Variants in SIRT2 observed in about 807,000 individuals in gnomAD.
SIRT2 encodes sirtuin 2.
In SIRT2, 40 loss-of-function variants were observed where a neutral mutation model predicts 57.4. The observed-to-expected ratio is 0.70, with a 90% CI of 0.54 to 0.91. SIRT2 has a LOEUF of 0.91. SIRT2 is among the 40% of genes least tolerant of loss of function. The probability of loss-of-function intolerance (pLI) is 0.00; values close to 1 mark genes in which losing one functional copy is unlikely to be tolerated. For missense variants in SIRT2, 439 were observed against 510.4 expected (o/e 0.86, Z 1.35); for synonymous variants, 161 against 195.7 (o/e 0.82, Z 1.48).
Position 38,893,543 on chromosome 19 carries a change from A to G in SIRT2, c.113-16T>C, listed in dbSNP as rs1483674996. 1 of 1,569,480 alleles carries G rather than the reference A, an allele frequency of 6.4e-7. No individual in the cohort carries two copies. Among genetic ancestry groups the G allele is most frequent in the African/African-American group, 1.4e-5 (1 of 74,010 alleles). ...AGGAAGTCCACTGACCGGAAAGAAG[A>G]GAGACAGCGGCAGGACGGGCATTCA... On this transcript the variant is annotated splice_polypyrimidine_tract_variant and intron_variant, in intron 3 of 15. Coordinates refer to ENST00000249396, the MANE Select transcript of SIRT2 (RefSeq NM_012237.4).
intron 2 of SIRT2, among the ~76,000 whole-genome samples, chr19:38,897,510 T>C (rs1973753063): frequency 6.9e-6 from 1 of 145,026 alleles, no homozygotes. Flanking sequence ...GTACCCTGAG[T>C]TTCTTTACTT....
At chr19:38,894,079 C>T in intron 2 of SIRT2, 1 of 969,414 alleles carries the variant, frequency 1.0e-6, no homozygotes, top group Non-Finnish European at 1.5e-6. Flanking sequence ...AGGAGCAAGA[C>T]CTCATGTGAG....
In SIRT2 at chr19:38,879,101, T is replaced by G. The variant is rs200466840; in HGVS notation, c.*54A>C. 17 of 1,506,798 alleles carry G rather than the reference T, an allele frequency of 1.1e-5. No individual in the cohort carries two copies. The highest frequency in any genetic ancestry group is 1.5e-5 in the Non-Finnish European group (17 of 1,131,236). The allele number at this position is 1,506,798 out of a possible 1,614,324, so 93.3% of individuals were successfully genotyped here. A position where few individuals can be genotyped will look rare whatever the true frequency, so the allele number is the denominator to read the frequency against. ...CTGGTTAAGAGGGGGCCAGGCCCGG[T>G]TGGGGCTCAGCTGTCCCTGAGGAGC... is the stretch of plus-strand genomic sequence containing the variant. On this transcript the variant is annotated 3_prime_UTR_variant, in exon 16 of 16. Coordinates refer to ENST00000249396, the MANE Select transcript of SIRT2 (RefSeq NM_012237.4).
At chr19:38,889,311 A>G in intron 7 of SIRT2, 156 bp from the exon 8 acceptor site, 1 of 736,590 alleles carries the variant, frequency 1.4e-6, no homozygotes, top group Non-Finnish European at 2.5e-6. Flanking sequence ...TCCCCAGATC[A>G]CAGATGAGGA....
At position 38,899,602 on chromosome 19, in the gene SIRT2, C is replaced by G; in HGVS notation, c.-81G>C. 1 of 1,584,828 alleles carries G rather than the reference C, an allele frequency of 6.3e-7. No homozygotes were observed. The highest frequency in any genetic ancestry group is 8.7e-7 in the Non-Finnish European group (1 of 1,154,288). Reference sequence around the variant, plus strand: ...CCACTGTGTCCCGTCACCGACTGCTCTGTCCTGTCACCGACTGCTCTGTCC... The same window carrying G: ...CCACTGTGTCCCGTCACCGACTGCTGTGTCCTGTCACCGACTGCTCTGTCC... On this transcript the variant is annotated 5_prime_UTR_variant, in exon 1 of 16. Transcript: ENST00000249396.
rs1455728721 is a variant in SIRT2 at position 38,889,083 on chromosome 19, C to CT, written c.501+3dup. On this transcript the variant is annotated splice_donor_region_variant and intron_variant, in intron 8 of 15. Coordinates refer to ENST00000249396, the MANE Select transcript of SIRT2 (RefSeq NM_012237.4). Reference sequence around the variant, plus strand: ...CTCCTCCCAGGATGCTCGCATCCGCCTACCTGCGTGTAGCAGCGCAGGAGT... The same window carrying CT: ...CTCCTCCCAGGATGCTCGCATCCGCCTTACCTGCGTGTAGCAGCGCAGGAGT... 2 of 1,611,566 alleles carry CT rather than the reference C, an allele frequency of 1.2e-6. No homozygotes were observed. Among genetic ancestry groups the CT allele is most frequent in the Admixed American group, 3.3e-5 (2 of 60,024 alleles).
At chr19:38,889,197 C>T (rs771890177) in intron 7 of SIRT2, 42 bp from the exon 8 acceptor site, 1 of 1,570,516 alleles carries the variant, frequency 6.4e-7, no homozygotes, top group Non-Finnish European at 8.8e-7. Context: ...CTGCAGGGAA[C>T]AGCCACAGGC....
chr19:38,894,085 G>GT (rs2144699516), intron 2 of SIRT2: 1 of 895,590 alleles, frequency 1.1e-6, no homozygotes, highest in Admixed American at 3.1e-5. Context: ...AAGACCTCAT[G>GT]TGAGTGGCTT....
chr19:38,889,647 C>A, intron 7 of SIRT2, 42 bp downstream of exon 7: 1 of 1,611,460 alleles, frequency 6.2e-7, no homozygotes, highest in Non-Finnish European at 8.5e-7. Flanking sequence ...GTGCCCTCCC[C>A]CAACCCTTCC....
In SIRT2 at chr19:38,881,127, T is replaced by G. The variant is rs1029971966; in HGVS notation, c.720A>C (p.Pro240=). 1.9e-6 allele frequency: 3 copies of G among 1,613,322 alleles called. No homozygotes were observed. In the South Asian group the frequency reaches 3.3e-5, roughly 18 times the overall value. ...ACTGCATACAGGAGAAGAAACGCGCTGGGAGGCTCTCACCAAAAAAGACGA... is the reference window on the plus strand; with the variant it reads ...ACTGCATACAGGAGAAGAAACGCGCGGGGAGGCTCTCACCAAAAAAGACGA... The part of the protein sequence containing the change: ...PDIVFFGESL[P]ARFFSCMQSD... Residue 240 remains proline, a synonymous_variant, in exon 11 of 16, where the codon CCA becomes CCC. Coordinates refer to ENST00000249396, the MANE Select transcript of SIRT2 (RefSeq NM_012237.4).
intron 5 of SIRT2, 66 bp from the exon 6 acceptor site, chr19:38,890,027 A>G: frequency 6.2e-7 from 1 of 1,607,602 alleles, no homozygotes; most frequent in South Asian, 1.1e-5. Flanking sequence ...CAGGGCTCAG[A>G]TAGGGCTCCT....
chr19:38,882,283 G>A, intron 9 of SIRT2, among the ~76,000 whole-genome samples: 1 of 152,012 alleles, frequency 6.6e-6, no homozygotes, highest in Non-Finnish European at 1.5e-5. Flanking sequence ...CAAAAGTGTT[G>A]GGATTACAGG....
At chr19:38,888,390 C>T (rs1329498913) in intron 8 of SIRT2, among the ~76,000 whole-genome samples, 5 of 151,778 alleles carry the variant, frequency 3.3e-5, no homozygotes, top group Admixed American at 6.6e-5. Context: ...CCAGGCGGGT[C>T]CCAAACGCCT....
At chr19:38,879,819 G>A in intron 13 of SIRT2, 117 bp from the exon 14 acceptor site, 1 of 726,574 alleles carries the variant, frequency 1.4e-6, no homozygotes, top group South Asian at 1.9e-5. Context: ...TTTTTTTTTT[G>A]TTGTTGTTTT....
intron 2 of SIRT2, among the ~76,000 whole-genome samples, chr19:38,897,544 A>G (rs1973755857): frequency 6.7e-6 from 1 of 148,784 alleles, no homozygotes; most frequent in South Asian, 2.1e-4. Flanking sequence ...TTTTTTTGAG[A>G]CCGTGTTTTG....
chr19:38,889,914 T>G lies in SIRT2; in HGVS notation c.316A>C (p.Asn106His). ...TAGGGAAGATGGTACTTCTCTAGGT[T>G]GTCATAGAGGCCGGTGGATGGAGAG... ...FRSPSTGLYD[N>H]LEKYHLPYPE... Residue 106 changes from asparagine (N) to histidine (H), a missense_variant, in exon 6 of 16, where the codon AAC becomes CAC. Transcript: ENST00000249396. 1 of 1,614,070 alleles carries G rather than the reference T, an allele frequency of 6.2e-7. No homozygotes were observed. Among genetic ancestry groups the G allele is most frequent in the South Asian group, 1.1e-5 (1 of 91,070 alleles).
In SIRT2 at chr19:38,880,985, C is replaced by T; in HGVS notation, c.748-88G>A. ...CCCCCAGCAGCAAACCTCCCTGCCG[C>T]CCCCCATAGCTGGGGAGGTGACCTT... On this transcript the variant is annotated intron_variant, in intron 11 of 15. Transcript: ENST00000249396. The surrounding 1 kb of genome is among the most constrained non-coding windows in gnomAD (Gnocchi z 4.1). 6 of 1,539,398 alleles carry T rather than the reference C, an allele frequency of 3.9e-6. No individual in the cohort carries two copies. Among genetic ancestry groups the T allele is most frequent in the South Asian group, 2.3e-5 (2 of 88,454 alleles).
At chr19:38,889,831 G>GCCC in intron 6 of SIRT2, 24 bp downstream of exon 6, 1 of 1,612,180 alleles carries the variant, frequency 6.2e-7, no homozygotes, top group South Asian at 1.1e-5. Context: ...CCTCACAGAC[G>GCCC]CCCCTTCCTG....
intron 8 of SIRT2, among the ~76,000 whole-genome samples, chr19:38,885,636 G>A (rs1277133764): frequency 6.7e-6 from 1 of 148,714 alleles, no homozygotes; most frequent in African/African-American, 2.5e-5. Context: ...CTGTTGCCAG[G>A]CTGGAGTGCA....
Sources: allele counts gnomAD v4.1 joint callset (sites outside exome capture counted in the v4.1 genomes callset), GRCh38; gene constraint gnomAD v4.1.1; non-coding constraint Gnocchi (gnomAD v3.1); transcripts MANE v1.5; gene names NCBI Gene and HGNC (gene_info 2026-07-23, HGNC 2026-07-21).